Variants in ANKS1B observed in about 807,000 individuals in gnomAD.
ANKS1B encodes ankyrin repeat and sterile alpha motif domain-containing protein 1B.
ANKS1B carries 36 observed loss-of-function variants against 148.3 expected under a neutral mutation model. The observed-to-expected ratio is 0.24, with a 90% CI of 0.19 to 0.32. ANKS1B has a LOEUF of 0.32. Ranked by LOEUF, ANKS1B falls within the 10% of genes least tolerant of loss-of-function variation. The pLI, the probability that ANKS1B is intolerant of heterozygous loss-of-function variation, is 1.00. For synonymous variants in ANKS1B, 542 were observed against 560.8 expected, an observed-to-expected ratio of 0.97 and a Z score of 0.47; for missense variants, 1,157 against 1,542.6, an observed-to-expected ratio of 0.75 and a Z score of 4.19.
intron 1 of ANKS1B, among the ~76,000 whole-genome samples, chr12:99,909,202 T>C (rs1175973377): frequency 6.6e-6 from 1 of 150,472 alleles, no homozygotes; most frequent in East Asian, 2.0e-4. Context: ...TTTTTAAGGC[T>C]GGACAATATT....
intron 8 of ANKS1B, among the ~76,000 whole-genome samples, chr12:99,756,558 A>G (rs2061588617): frequency 6.6e-6 from 1 of 152,044 alleles, no homozygotes; most frequent in Admixed American, 6.6e-5. Flanking sequence ...AGACTCTTCA[A>G]GAACTAGAAA....
At chr12:99,297,273 T>C (rs1447366381) in intron 12 of ANKS1B, among the ~76,000 whole-genome samples, 1 of 152,208 alleles carries the variant, frequency 6.6e-6, no homozygotes, top group Non-Finnish European at 1.5e-5. Context: ...TTGTCCTTGA[T>C]TGCTTAAAGT....
At chr12:99,837,582 G>A (rs920356168) in intron 1 of ANKS1B, among the ~76,000 whole-genome samples, 2 of 152,086 alleles carry the variant, frequency 1.3e-5, no homozygotes, top group African/African-American at 4.8e-5. Flanking sequence ...ATGTGAGACG[G>A]GGGCTTTTAT....
intron 17 of ANKS1B, among the ~76,000 whole-genome samples, chr12:98,981,615 C>T (rs528829392): frequency 3.3e-5 from 5 of 152,292 alleles, no homozygotes; most frequent in East Asian, 1.9e-4. Context: ...GGATTACAGG[C>T]GTGAGCCACT....
intron 11 of ANKS1B, among the ~76,000 whole-genome samples, chr12:99,437,134 C>T (rs1191717381): frequency 6.6e-6 from 1 of 151,960 alleles, no homozygotes; most frequent in Non-Finnish European, 1.5e-5. Flanking sequence ...GATCAGGTTT[C>T]CACCTTGGTT....
chr12:98,997,078 T>C (rs1166480668), intron 17 of ANKS1B, among the ~76,000 whole-genome samples: 2 of 152,144 alleles, frequency 1.3e-5, no homozygotes, highest in African/African-American at 4.8e-5. Flanking sequence ...ATAGACAATA[T>C]ATTCTGATTT....
intron 14 of ANKS1B, among the ~76,000 whole-genome samples, chr12:99,198,222 A>G (rs1264392875): frequency 2.0e-5 from 3 of 152,152 alleles, no homozygotes; most frequent in Non-Finnish European, 4.4e-5. Flanking sequence ...CAGACTGTAA[A>G]TTTATATTAG....
In ANKS1B at chr12:98,801,413, A is replaced by C. The variant is rs558723381; in HGVS notation, c.3142-288T>G. ...TGAAGATATTCATAAATGATTTACT[A>C]ATCACAATTTTCCATCACAACAGCA... On this transcript the variant is annotated intron_variant, in intron 20 of 26. Coordinates refer to ENST00000683438, the MANE Select transcript of ANKS1B (RefSeq NM_001352186.2). This position sits in a 1 kb window ranked among gnomAD's most constrained non-coding sequence, Gnocchi z 5.2. 6.6e-6 allele frequency among the ~76,000 whole-genome samples: 1 copy of C among 152,326 alleles called. No homozygotes were observed. The highest frequency in any genetic ancestry group is 2.4e-5 in the African/African-American group (1 of 41,576).
intron 9 of ANKS1B, among the ~76,000 whole-genome samples, chr12:99,629,211 T>C (rs888572449): frequency 6.6e-6 from 1 of 152,184 alleles, no homozygotes; most frequent in Non-Finnish European, 1.5e-5. Flanking sequence ...ATCCATTCAC[T>C]CAGCAAGTAT....
chr12:99,733,007 G>T (rs750101196), intron 8 of ANKS1B, among the ~76,000 whole-genome samples: 2 of 135,916 alleles, frequency 1.5e-5, no homozygotes, highest in Non-Finnish European at 1.6e-5. Flanking sequence ...GAGTGTTATT[G>T]TTCCTTGCTC....
At chr12:99,370,846 T>C (rs142527442) in intron 12 of ANKS1B, among the ~76,000 whole-genome samples, 170 of 152,254 alleles carry the variant, frequency 1.1e-3, no homozygotes, top group African/African-American at 4.0e-3. Flanking sequence ...CATTGGAATA[T>C]AGTTAGTCCT....
At chr12:98,836,009 G>GC (rs2099360781) in intron 17 of ANKS1B, among the ~76,000 whole-genome samples, 1 of 152,128 alleles carries the variant, frequency 6.6e-6, no homozygotes, top group Non-Finnish European at 1.5e-5. Context: ...TTTTAGAGAT[G>GC]CAAAATCTGA....
chr12:99,153,590 A>G (rs1272201032), intron 15 of ANKS1B, among the ~76,000 whole-genome samples: 1 of 152,204 alleles, frequency 6.6e-6, no homozygotes, highest in African/African-American at 2.4e-5. Flanking sequence ...AGCACATGCC[A>G]GGTTTAGATT....
At chr12:99,705,249 G>A (rs1280626318) in intron 8 of ANKS1B, among the ~76,000 whole-genome samples, 1 of 152,094 alleles carries the variant, frequency 6.6e-6, no homozygotes, top group Non-Finnish European at 1.5e-5. Context: ...TCTCTTAGAA[G>A]AGTAAAACAG....
At chr12:99,314,460 G>C (rs2083677974) in intron 12 of ANKS1B, among the ~76,000 whole-genome samples, 1 of 152,076 alleles carries the variant, frequency 6.6e-6, no homozygotes, top group Non-Finnish European at 1.5e-5. Context: ...ATATATCCAA[G>C]AAAATCCTAA....
intron 1 of ANKS1B, among the ~76,000 whole-genome samples, chr12:99,900,768 G>A (rs964315987): frequency 1.3e-5 from 2 of 152,050 alleles, no homozygotes; most frequent in Non-Finnish European, 2.9e-5. Context: ...CTTCTGACTC[G>A]TGAGTCCTAT....
chr12:99,390,050 G>C (rs1315037876), intron 12 of ANKS1B, among the ~76,000 whole-genome samples: 3 of 152,092 alleles, frequency 2.0e-5, no homozygotes, highest in Non-Finnish European at 1.5e-5. Context: ...TAGCACCCGG[G>C]TGCTCTGCAA....
intron 8 of ANKS1B, among the ~76,000 whole-genome samples, chr12:99,710,180 A>G (rs1409626723): frequency 6.6e-6 from 1 of 152,178 alleles, no homozygotes; most frequent in Non-Finnish European, 1.5e-5. Context: ...CTACAATGGG[A>G]AAACATCTGT....
chr12:99,820,900 T>C (rs1234760240), intron 2 of ANKS1B, among the ~76,000 whole-genome samples: 2 of 151,928 alleles, frequency 1.3e-5, no homozygotes, highest in African/African-American at 2.4e-5. Context: ...TTAATATCTA[T>C]GTGGCCATTA....
Sources: allele counts gnomAD v4.1 joint callset (sites outside exome capture counted in the v4.1 genomes callset), GRCh38; gene constraint gnomAD v4.1.1; non-coding constraint Gnocchi (gnomAD v3.1); transcripts MANE v1.5; gene names NCBI Gene and HGNC (gene_info 2026-07-23, HGNC 2026-07-21).